The following SPG11 variants were observed in gnomAD, a reference collection of about 807,000 sequenced individuals.
The protein encoded by SPG11 is SPG11 vesicle trafficking associated, spatacsin, also known as spatacsin.
Under a neutral mutation model 274.0 loss-of-function variants are expected in SPG11, and 222 were observed. The observed-to-expected ratio is 0.81, with a 90% CI of 0.73 to 0.91. SPG11 has a LOEUF of 0.91. Ranked by LOEUF, SPG11 falls within the 40% of genes least tolerant of loss-of-function variation. SPG11 has a pLI of 0.00. For synonymous variants in SPG11, 1,144 were observed against 1,039.7 expected, an observed-to-expected ratio of 1.10 and a Z score of -1.93; for missense variants, 3,114 against 2,872.7, an observed-to-expected ratio of 1.08 and a Z score of -1.92.
rs761894972 is a variant in SPG11 at position 44,660,417 on chromosome 15, C to G, written c.442+15G>C. On this transcript the variant is annotated intron_variant, in intron 2 of 39. Transcript: ENST00000261866. ...CAAATTTAAATATGCTGAAAGACCA[C>G]CTGTAGATACTTACTGATATCTTGA... 1.2e-6 allele frequency: 2 copies of G among 1,610,084 alleles called. No homozygotes were observed. The highest frequency in any genetic ancestry group is 2.2e-5 in the South Asian group (2 of 91,028).
chr15:44,567,702 G>A (rs1455489166), intron 35 of SPG11, 110 bp from the exon 36 acceptor site: 4 of 1,118,126 alleles, frequency 3.6e-6, no homozygotes, highest in East Asian at 2.4e-5. Context: ...AAGAAGAAGA[G>A]GAGCAAAAAT....
At chr15:44,580,182 T>C (rs1595838091) in intron 30 of SPG11, among the ~76,000 whole-genome samples, 2 of 152,232 alleles carry the variant, frequency 1.3e-5, no homozygotes, top group Non-Finnish European at 2.9e-5. Context: ...TATGTCTAGA[T>C]ACACAAATAC....
intron 27 of SPG11, 125 bp downstream of exon 27, chr15:44,592,206 C>T (rs536395310): frequency 5.7e-6 from 4 of 702,660 alleles, no homozygotes; most frequent in Admixed American, 4.1e-5. Flanking sequence ...CTGTAGTGAG[C>T]TGTGATCGTA....
chr15:44,612,236 T>C (rs1325490479), intron 17 of SPG11, among the ~76,000 whole-genome samples: 2 of 152,170 alleles, frequency 1.3e-5, no homozygotes, highest in Non-Finnish European at 2.9e-5. Flanking sequence ...TGTCACAAGG[T>C]AGGAGCTCAA....
At chr15:44,577,370 GT>G (rs2082560372) in intron 30 of SPG11, among the ~76,000 whole-genome samples, 1 of 151,558 alleles carries the variant, frequency 6.6e-6, no homozygotes. Context: ...GGGGATGGTA[GT>G]GTGCACCTGT....
rs1313329508 is a variant in SPG11 at position 44,574,887 on chromosome 15, C to A, written c.6006+15G>T. On this transcript the variant is annotated intron_variant, in intron 31 of 39. Coordinates refer to ENST00000261866, the MANE Select transcript of SPG11 (RefSeq NM_025137.4). ...CTCCCTCTCAGAAAGAGGAGCCCCA[C>A]CCCTTGGCACATACCTTGGCAAGAT... is the stretch of plus-strand genomic sequence containing the variant. The A allele has an allele frequency of 6.2e-7, 1 of 1,613,448 alleles. No individual in the cohort carries two copies. Among genetic ancestry groups the A allele is most frequent in the African/African-American group, 1.3e-5 (1 of 74,904 alleles).
intron 1 of SPG11, among the ~76,000 whole-genome samples, chr15:44,663,061 TAATC>T (rs1209905935): frequency 1.3e-5 from 2 of 152,382 alleles, no homozygotes; most frequent in Admixed American, 1.3e-4. Flanking sequence ...CTGTGACAGT[TAATC>T]AACCTGTGTT....
rs951302625 is a variant in SPG11, at chr15:44,595,161, T to TA, written c.4635+97dup. 521 of 1,216,358 alleles carry TA rather than the reference T, an allele frequency of 4.3e-4. 1 individual carries two copies. Among genetic ancestry groups the TA allele is most frequent in the Middle Eastern group, 3.1e-3 (12 of 3,876 alleles). 75.3% of individuals were successfully genotyped at this position (1,216,358 alleles called of 1,614,324 possible). On this transcript the variant is annotated intron_variant, in intron 26 of 39. Coordinates refer to ENST00000261866, the MANE Select transcript of SPG11 (RefSeq NM_025137.4). The stretch of plus-strand genomic sequence containing the variant: ...ATTATCATCATTATCTGTTGTTGGC[T>TA]AAAAAAAAATCCAGGGATGGAAATA...
intron 18 of SPG11, among the ~76,000 whole-genome samples, chr15:44,610,064 G>A (rs1036295872): frequency 5.3e-5 from 8 of 151,488 alleles, no homozygotes; most frequent in South Asian, 2.1e-4. Flanking sequence ...TACCATGCCC[G>A]GCTAGTTTTT....
At position 44,655,186 on chromosome 15, in the gene SPG11, C is replaced by T. The variant is rs539757014; in HGVS notation, c.869+1909G>A. Among the ~76,000 whole-genome samples, 7 of 152,222 alleles carry T rather than the reference C, an allele frequency of 4.6e-5. No individual in the cohort carries two copies. The South Asian group carries it at 8.3e-4, about 18-fold the overall frequency. On this transcript the variant is annotated intron_variant, in intron 4 of 39. Coordinates refer to ENST00000261866, the MANE Select transcript of SPG11 (RefSeq NM_025137.4). ...ACGTGAACGTATAGTCCCAGCTACTCGGGAGGCTGAGTTGGAGGACTGCTT... is the reference window on the plus strand; with the variant it reads ...ACGTGAACGTATAGTCCCAGCTACTTGGGAGGCTGAGTTGGAGGACTGCTT...
Position 44,633,647 on chromosome 15 carries a change from G to A in SPG11, c.1603-10C>T. 1 of 1,611,964 alleles carries A rather than the reference G, an allele frequency of 6.2e-7. No homozygotes were observed. Among genetic ancestry groups the A allele is most frequent in the African/African-American group, 1.3e-5 (1 of 74,832 alleles). ...GATTTTCTATCCCGGCCTGAAATGA[G>A]GAGGAAAATAAAAATCAGAAAAAAA... On this transcript the variant is annotated splice_polypyrimidine_tract_variant and intron_variant, in intron 7 of 39. Coordinates refer to ENST00000261866, the MANE Select transcript of SPG11 (RefSeq NM_025137.4).
chr15:44,573,266 T>G, intron 32 of SPG11: 1 of 584,958 alleles, frequency 1.7e-6, no homozygotes, highest in Admixed American at 3.0e-5. Flanking sequence ...ATTACAGGCG[T>G]GAGCCACCGC....
chr15:44,600,979 C>G (rs558861177), intron 20 of SPG11, among the ~76,000 whole-genome samples: 3 of 152,046 alleles, frequency 2.0e-5, no homozygotes, highest in Non-Finnish European at 4.4e-5. Flanking sequence ...TTGGAGAAAC[C>G]CCGTCTCTAC....
intron 20 of SPG11, 115 bp downstream of exon 20, chr15:44,605,910 A>C: frequency 4.4e-6 from 4 of 915,402 alleles, no homozygotes; most frequent in Non-Finnish European, 7.0e-6. Flanking sequence ...CCTTTGGAAT[A>C]CACCTTTACT....
At position 44,563,248 on chromosome 15, in the gene SPG11, A is replaced by C; in HGVS notation, c.7205T>G (p.Leu2402Arg). ...DMVMENLKKL[L>R]TYCEDVYLYY... ...CAGGTAAACATCTTCACAATATGTGAGTAATTTCTTCAGGTTTTCCATGAC... is the reference window on the plus strand; with the variant it reads ...CAGGTAAACATCTTCACAATATGTGCGTAATTTCTTCAGGTTTTCCATGAC... Residue 2402 changes from leucine (L) to arginine (R), a missense_variant, in exon 40 of 40, where the codon CTC (leucine) becomes CGC (arginine). By Grantham distance (102) the Leu-to-Arg change is moderately radical. Coordinates refer to ENST00000261866, the MANE Select transcript of SPG11 (RefSeq NM_025137.4). 6.2e-7 allele frequency: 1 copy of C among 1,614,020 alleles called. No individual in the cohort carries two copies. The highest frequency in any genetic ancestry group is 8.5e-7 in the Non-Finnish European group (1 of 1,179,868).
Position 44,613,412 on chromosome 15 carries a change from A to T in SPG11, c.3145+18T>A. ...TGATCCAAAGCAAGTTTCTGTGTTT[A>T]ATACAGTATACCCATACCTGTTAAG... On this transcript the variant is annotated intron_variant, in intron 17 of 39. Transcript: ENST00000261866. 6.6e-7 allele frequency: 1 copy of T among 1,521,412 alleles called. No homozygotes were observed. The highest frequency in any genetic ancestry group is 9.1e-7 in the Non-Finnish European group (1 of 1,095,728). The allele number at this position is 1,521,412 out of a possible 1,614,324, so 94.2% of individuals were successfully genotyped here. A position where few individuals can be genotyped will look rare whatever the true frequency, so the allele number is the denominator to read the frequency against.
At chr15:44,567,748 G>A (rs2082339397) in intron 35 of SPG11, among the ~76,000 whole-genome samples, 156 bp from the exon 36 acceptor site, 1 of 152,184 alleles carries the variant, frequency 6.6e-6, no homozygotes, top group Non-Finnish European at 1.5e-5. Context: ...TCCCAAGTAT[G>A]AGGAAACAGG....
intron 7 of SPG11, among the ~76,000 whole-genome samples, chr15:44,645,666 A>G (rs1297765492): frequency 6.6e-6 from 1 of 152,174 alleles, no homozygotes; most frequent in Non-Finnish European, 1.5e-5. Context: ...ATAAACTATC[A>G]ATAAACAGAC....
chr15:44,605,819 A>G (rs934950719), intron 20 of SPG11, among the ~76,000 whole-genome samples: 1 of 152,246 alleles, frequency 6.6e-6, no homozygotes, highest in Non-Finnish European at 1.5e-5. Flanking sequence ...TACATTTCTC[A>G]GCAAGTACAG....
Sources: gnomAD v4.1 joint callset for allele counts (sites outside exome capture counted in the v4.1 genomes callset) on GRCh38, gnomAD v4.1.1 for gene constraint, MANE v1.5 for transcripts, NCBI Gene and HGNC (gene_info 2026-07-23, HGNC 2026-07-21) for gene names.